LDHAL6A: variants seen among roughly 807,000 people sequenced by gnomAD.
LDHAL6A encodes L-lactate dehydrogenase A-like 6A.
LDHAL6A carries 19 observed loss-of-function variants against 28.2 expected under a neutral mutation model. The observed-to-expected ratio is 0.67, with a 90% CI of 0.47 to 0.99. The LOEUF is 0.99. LDHAL6A is among the 50% of genes least tolerant of loss of function. The pLI is 0.00. For synonymous variants in LDHAL6A, 144 were observed against 134.4 expected (o/e 1.07, Z -0.49); for missense variants, 372 against 398.6 (o/e 0.93, Z 0.57).
chr11:18,460,764 A>C (rs1051584939), intron 1 of LDHAL6A, among the ~76,000 whole-genome samples: 3 of 150,262 alleles, frequency 2.0e-5, no homozygotes, highest in Non-Finnish European at 4.4e-5. Flanking sequence ...TGTCTCAAAA[A>C]AGAAAAAAGG....
chr11:18,467,986 TATATGCATATATATACGTATATATATAC>T, intron 3 of LDHAL6A, among the ~76,000 whole-genome samples: 1 of 45,212 alleles, frequency 2.2e-5, no homozygotes, highest in Non-Finnish European at 3.5e-5. Flanking sequence ...TATACGTATA[TATATGCATATATATACGTATATATATAC>T]ATATATATAC....
intron 1 of LDHAL6A, among the ~76,000 whole-genome samples, chr11:18,462,893 T>C (rs1848963158): frequency 6.6e-6 from 1 of 150,942 alleles, no homozygotes; most frequent in African/African-American, 2.4e-5. Flanking sequence ...CTGGTTTCCA[T>C]CCAATCTTTC....
chr11:18,456,865 A>T (rs951186363), intron 1 of LDHAL6A, 59 bp downstream of exon 1: 49 of 1,551,990 alleles, frequency 3.2e-5, no homozygotes, highest in South Asian at 4.8e-5. Context: ...GCCACAGCGT[A>T]TGGTTGTGGA....
At chr11:18,468,222 G>C (rs1380022987) in intron 3 of LDHAL6A, 1 of 150,524 alleles carries the variant, frequency 6.6e-6, no homozygotes. Flanking sequence ...TTTTTCTCTT[G>C]CTGTTTCCAG....
intron 1 of LDHAL6A, among the ~76,000 whole-genome samples, chr11:18,462,560 C>G (rs1190366428): frequency 6.6e-6 from 1 of 150,476 alleles, no homozygotes; most frequent in Non-Finnish European, 1.5e-5. Context: ...TGGCGTGAAC[C>G]TGGGAGGCGG....
At position 18,464,002 on chromosome 11, in the gene LDHAL6A, C is replaced by A. The variant is rs1848986804; in HGVS notation, c.168C>A (p.Gly56=). 6.2e-7 allele frequency: 1 copy of A among 1,613,800 alleles called. No homozygotes were observed. Among genetic ancestry groups the A allele is most frequent in the Non-Finnish European group, 8.5e-7 (1 of 1,179,906 alleles). The change falls in exon 2 of 7, where the codon GGC becomes GGA. Residue 56 remains glycine (G), a synonymous_variant. Coordinates refer to ENST00000280706, the MANE Select transcript of LDHAL6A (RefSeq NM_144972.5). Reference sequence around the variant, plus strand: ...TTGTCCTTGTGGATGTTGATGAAGGCAAACTGAAGGGTGAGACAATGGATC... The same window carrying A: ...TTGTCCTTGTGGATGTTGATGAAGGAAAACTGAAGGGTGAGACAATGGATC... ...DELVLVDVDE[G]KLKGETMDLQ...
chr11:18,461,060 A>T (rs887119856), intron 1 of LDHAL6A, among the ~76,000 whole-genome samples: 1 of 151,498 alleles, frequency 6.6e-6, no homozygotes, highest in Non-Finnish European at 1.5e-5. Flanking sequence ...CTGGTCTGGA[A>T]CTCCTGACCC....
Position 18,477,712 on chromosome 11 carries a change from G to A in LDHAL6A, c.803G>A (p.Arg268Lys), listed in dbSNP as rs1391507871. The A allele has an allele frequency of 1.9e-6, 3 of 1,610,890 alleles. No individual in the cohort carries two copies. The African/African-American group carries it at 4.0e-5, about 22-fold the overall frequency. Residue 268 changes from arginine to lysine, a missense_variant, in exon 6 of 7, where the codon AGG (arginine) becomes AAG (lysine). By Grantham distance (26) the Arg-to-Lys change is conservative (BLOSUM62 2). Coordinates refer to ENST00000280706, the MANE Select transcript of LDHAL6A (RefSeq NM_144972.5). The stretch of plus-strand genomic sequence containing the variant: ...ACAGAAAGTATTTTGAAGAATCTTA[G>A]GAGAGTGCATCCAGTTTCTACCCTA... ...DLTESILKNL[R>K]RVHPVSTLSK...
Position 18,461,301 on chromosome 11 carries a change from C to T in LDHAL6A, c.127-2660C>T, listed in dbSNP as rs112699128. 8.4e-3 allele frequency among the ~76,000 whole-genome samples: 1,275 copies of T among 151,324 alleles called. 13 individuals carry two copies. Among genetic ancestry groups the T allele is most frequent in the African/African-American group, 0.029 (1,195 of 41,216 alleles). On this transcript the variant is annotated intron_variant, in intron 1 of 6. Coordinates refer to ENST00000280706, the MANE Select transcript of LDHAL6A (RefSeq NM_144972.5). ...CTGGGACTACAGGTGCATGCCAACACGCCCGGCTAATTTTTGTATTTTTAG... is the reference window on the plus strand; with the variant it reads ...CTGGGACTACAGGTGCATGCCAACATGCCCGGCTAATTTTTGTATTTTTAG...
chr11:18,464,543 T>C (rs1015579918), intron 2 of LDHAL6A, among the ~76,000 whole-genome samples: 4 of 152,028 alleles, frequency 2.6e-5, no homozygotes, highest in Non-Finnish European at 5.9e-5. Context: ...ACAGAAACCC[T>C]GTCTCTATTA....
chr11:18,463,946 AAC>A lies in LDHAL6A; in HGVS notation c.127-13_127-12del, dbSNP rs749794663. Reference sequence around the variant, plus strand: ...GAGATACACTCACACCCATTGGACTAACAATGTTTTTCAGGGTTTGAGTGATG... The same window carrying A: ...GAGATACACTCACACCCATTGGACTAAATGTTTTTCAGGGTTTGAGTGATG... On this transcript the variant is annotated splice_polypyrimidine_tract_variant and intron_variant, in intron 1 of 6. Coordinates refer to ENST00000280706, the MANE Select transcript of LDHAL6A (RefSeq NM_144972.5). The A allele has an allele frequency of 1.3e-6, 2 of 1,558,930 alleles. No individual in the cohort carries two copies. Among genetic ancestry groups the A allele is most frequent in the South Asian group, 2.2e-5 (2 of 89,720 alleles).
In LDHAL6A at chr11:18,465,798, G is replaced by A. The variant is rs757519126; in HGVS notation, c.406G>A (p.Val136Ile). The change falls in exon 3 of 7, where the codon GTT (valine) becomes ATT (isoleucine). Residue 136 changes from valine (V) to isoleucine (I), a missense_variant. By Grantham distance (29) the Val-to-Ile change is conservative. This residue lies in a region of LDHAL6A where 291 missense variants were observed against 302.9 expected (regional missense o/e 0.96). Coordinates refer to ENST00000280706, the MANE Select transcript of LDHAL6A (RefSeq NM_144972.5). ...QYSPHCKLLI[V>I]TNPVDILTYV... is the part of the protein sequence containing the mutation. Reference sequence around the variant, plus strand: ...CAGTCCTCACTGCAAACTGCTTATTGTTACTAATCCAGGTCAGCTTTGTTG... The same window carrying A: ...CAGTCCTCACTGCAAACTGCTTATTATTACTAATCCAGGTCAGCTTTGTTG... 17 of 1,611,742 alleles carry A rather than the reference G, an allele frequency of 1.1e-5. No individual in the cohort carries two copies. The highest frequency in any genetic ancestry group is 3.4e-5 in the Admixed American group (2 of 59,546).
chr11:18,457,377 T>C (rs767326149), intron 1 of LDHAL6A, among the ~76,000 whole-genome samples: 1 of 152,198 alleles, frequency 6.6e-6, no homozygotes, highest in Non-Finnish European at 1.5e-5. Context: ...TACCCTGATA[T>C]GAACTTTATT....
At position 18,478,910 on chromosome 11, in the gene LDHAL6A, G is replaced by T. The variant is rs1256985377; in HGVS notation, c.*40G>T. ...AATTCTGTAGATTGAAGATGAAATA[G>T]TAGTTATGGAATTGTATATGTCAAA... On this transcript the variant is annotated 3_prime_UTR_variant, in exon 7 of 7. Transcript: ENST00000280706. 6.0e-6 allele frequency: 9 copies of T among 1,511,190 alleles called. No homozygotes were observed. The highest frequency in any genetic ancestry group is 8.1e-6 in the Non-Finnish European group (9 of 1,107,154). 93.6% of individuals were successfully genotyped at this position (1,511,190 alleles called of 1,614,324 possible). A position where few individuals can be genotyped will look rare whatever the true frequency, so the allele number is the denominator to read the frequency against.
chr11:18,475,797 A>G, intron 4 of LDHAL6A, 158 bp downstream of exon 4: 1 of 524,372 alleles, frequency 1.9e-6, no homozygotes. Flanking sequence ...TTTTAAAATA[A>G]CCAACAAAAA....
At chr11:18,475,176 A>G (rs1849341509) in intron 3 of LDHAL6A, 2 of 252,908 alleles carry the variant, frequency 7.9e-6, no homozygotes, top group South Asian at 1.5e-4. Context: ...AAATTATTTG[A>G]AAGACTTGAT....
In LDHAL6A at chr11:18,467,894, T is replaced by C. The variant is rs796899339; in HGVS notation, c.418+2084T>C. Among the ~76,000 whole-genome samples, 39 of 68,562 alleles carry C rather than the reference T, an allele frequency of 5.7e-4. 3 individuals carry two copies. The highest frequency in any genetic ancestry group is 1.8e-3 in the South Asian group (3 of 1,678). The allele number at this position is 68,562 out of a possible 152,430, so 45.0% of individuals were successfully genotyped here. Reference sequence around the variant, plus strand: ...ATATATACACACATATATATATATATATATATATATATATATATATATATA... The same window carrying C: ...ATATATACACACATATATATATATACATATATATATATATATATATATATA... On this transcript the variant is annotated intron_variant, in intron 3 of 6. Transcript: ENST00000280706.
intron 1 of LDHAL6A, among the ~76,000 whole-genome samples, chr11:18,460,844 C>G (rs958475374): frequency 2.0e-5 from 3 of 151,928 alleles, no homozygotes; most frequent in Admixed American, 2.0e-4. Context: ...CTTTCCTTTT[C>G]TTTTTTTTCT....
At chr11:18,476,180 T>C (rs1849375355) in intron 4 of LDHAL6A, among the ~76,000 whole-genome samples, 1 of 152,222 alleles carries the variant, frequency 6.6e-6, no homozygotes, top group Non-Finnish European at 1.5e-5. Flanking sequence ...AATTTTCTTA[T>C]TTGGAGAATC....
Sources: gnomAD v4.1 joint callset for allele counts (sites outside exome capture counted in the v4.1 genomes callset) on GRCh38, gnomAD v4.1.1 for gene constraint, gnomAD v4.1.1 regional missense constraint, MANE v1.5 for transcripts, NCBI Gene and HGNC (gene_info 2026-07-23, HGNC 2026-07-21) for gene names.